MINDY2: variants seen among roughly 807,000 people sequenced by gnomAD.
MINDY2 encodes MINDY lysine 48 deubiquitinase 2.
MINDY2 carries 52 observed loss-of-function variants against 68.2 expected under a neutral mutation model. That is an observed-to-expected ratio of 0.76 (90% CI 0.61 to 0.96). The LOEUF is 0.96. Ranked by LOEUF, MINDY2 falls within the 40% of genes least tolerant of loss-of-function variation. The pLI is 0.00. For synonymous variants in MINDY2, 372 were observed against 303.0 expected, an observed-to-expected ratio of 1.23 and a Z score of -2.36; for missense variants, 881 against 773.4, an observed-to-expected ratio of 1.14 and a Z score of -1.65.
At chr15:58,788,056 A>G in intron 2 of MINDY2, 93 bp downstream of exon 2, 1 of 774,398 alleles carries the variant, frequency 1.3e-6, no homozygotes. Context: ...AAGTGCTATT[A>G]TATAATCTAT....
chr15:58,785,454 GTC>G (rs1169757319), intron 1 of MINDY2, among the ~76,000 whole-genome samples: 2 of 152,130 alleles, frequency 1.3e-5, no homozygotes, highest in Non-Finnish European at 2.9e-5. Context: ...ATGCCATACT[GTC>G]TCTGCTGCAC....
chr15:58,837,908 A>G (rs1317254770), intron 6 of MINDY2, among the ~76,000 whole-genome samples: 1 of 148,388 alleles, frequency 6.7e-6, no homozygotes, highest in Non-Finnish European at 1.5e-5. Flanking sequence ...GATCGAAGCT[A>G]CAGTTAACTG....
At chr15:58,838,527 T>G (rs546488347) in intron 6 of MINDY2, among the ~76,000 whole-genome samples, 1 of 151,408 alleles carries the variant, frequency 6.6e-6, no homozygotes, top group African/African-American at 2.4e-5. Flanking sequence ...AAACAGGCAA[T>G]CAGACATAAA....
intron 1 of MINDY2, among the ~76,000 whole-genome samples, chr15:58,782,551 T>C (rs887002113): frequency 1.3e-5 from 2 of 152,316 alleles, no homozygotes; most frequent in South Asian, 2.1e-4. Flanking sequence ...TCCTGAGCCT[T>C]AGAGTCAACT....
chr15:58,835,879 G>A (rs1283057022), intron 6 of MINDY2, among the ~76,000 whole-genome samples: 2 of 152,068 alleles, frequency 1.3e-5, no homozygotes, highest in Non-Finnish European at 2.9e-5. Context: ...CCAGGCACTA[G>A]ATCTTGTAAA....
chr15:58,794,873 G>A (rs1272279320), intron 2 of MINDY2, among the ~76,000 whole-genome samples: 1 of 152,130 alleles, frequency 6.6e-6, no homozygotes, highest in Non-Finnish European at 1.5e-5. Flanking sequence ...GAAGTCATCA[G>A]TATAAAAATG....
Position 58,771,416 on chromosome 15 carries a change from CCT to C in MINDY2, c.22_23del (p.Leu8AlafsTer31). On this transcript the variant is annotated frameshift_variant, in exon 1 of 9. Coordinates refer to ENST00000559228, the MANE Select transcript of MINDY2 (RefSeq NM_001040450.3). LOFTEE classifies it high-confidence loss of function. Reference protein sequence around the residue: MESSPESLQPLEHGVAAG... With the variant: MESSPESXQPLEHGVAAG... The stretch of plus-strand genomic sequence containing the variant: ...CCGGTATGGAGAGCAGCCCCGAGAG[CCT>C]GCAGCCGCTAGAACACGGGGTGGCG... 1 of 1,611,082 alleles carries C rather than the reference CCT, an allele frequency of 6.2e-7. No homozygotes were observed.
chr15:58,799,589 A>AAAAAGC (rs2140948152), intron 2 of MINDY2, among the ~76,000 whole-genome samples: 1 of 152,186 alleles, frequency 6.6e-6, no homozygotes, highest in Admixed American at 6.5e-5. Flanking sequence ...AAAAAAAAAA[A>AAAAAGC]AAAAAGCAAA....
intron 2 of MINDY2, among the ~76,000 whole-genome samples, chr15:58,790,818 A>G (rs1901835464): frequency 6.6e-6 from 1 of 152,134 alleles, no homozygotes; most frequent in Admixed American, 6.6e-5. Flanking sequence ...TGAAGCAGGA[A>G]AAAATGGAGC....
chr15:58,793,296 CA>C (rs1208015626), intron 2 of MINDY2, among the ~76,000 whole-genome samples: 1 of 151,556 alleles, frequency 6.6e-6, no homozygotes, highest in African/African-American at 2.4e-5. Context: ...ACTAAAAATA[CA>C]AAAAATTAGT....
intron 1 of MINDY2, among the ~76,000 whole-genome samples, chr15:58,785,965 T>A (rs1469870765): frequency 6.6e-6 from 1 of 152,180 alleles, no homozygotes; most frequent in Non-Finnish European, 1.5e-5. Context: ...CCACCAGGCC[T>A]GACCTGAAAT....
chr15:58,847,510 G>A (rs1396377993), intron 7 of MINDY2, 40 bp downstream of exon 7: 1 of 1,446,862 alleles, frequency 6.9e-7, no homozygotes, highest in Non-Finnish European at 9.2e-7. Flanking sequence ...TTAAAATGCT[G>A]ATTTTTTTCA....
intron 5 of MINDY2, among the ~76,000 whole-genome samples, chr15:58,828,485 A>G (rs1369744080): frequency 1.3e-5 from 2 of 151,484 alleles, no homozygotes; most frequent in Non-Finnish European, 2.9e-5. Context: ...TAACTTCACC[A>G]TCTTTAAGGC....
At chr15:58,814,816 A>G (rs1471898696) in intron 4 of MINDY2, among the ~76,000 whole-genome samples, 1 of 138,034 alleles carries the variant, frequency 7.2e-6, no homozygotes, top group Admixed American at 7.5e-5. Context: ...TTTTTTTTAG[A>G]AACGGCGTGT....
In MINDY2 at chr15:58,826,225, C is replaced by CTTT. The variant is rs34666834; in HGVS notation, c.1225+4425_1225+4427dup. On this transcript the variant is annotated intron_variant, in intron 5 of 8. Transcript: ENST00000559228. ...TTCTTTTTTTCTGTATTCACACAAT[C>CTTT]TTTTTTTTTTTTTTTTTTTTTGAGA... Among the ~76,000 whole-genome samples the CTTT allele has an allele frequency of 3.3e-3, 322 of 98,104 alleles. 3 individuals carry two copies. Among genetic ancestry groups the CTTT allele is most frequent in the East Asian group, 9.0e-3 (26 of 2,904 alleles). The allele number at this position is 98,104 out of a possible 152,430, so 64.4% of individuals were successfully genotyped here.
chr15:58,787,140 C>CATTTT (rs1257079442), intron 1 of MINDY2, among the ~76,000 whole-genome samples: 1 of 78,150 alleles, frequency 1.3e-5, no homozygotes, highest in East Asian at 3.8e-4. Flanking sequence ...CATTTCTTTA[C>CATTTT]TTTTTTTTTT....
intron 6 of MINDY2, among the ~76,000 whole-genome samples, chr15:58,842,523 T>G (rs1368262273): frequency 1.3e-5 from 2 of 152,184 alleles, no homozygotes; most frequent in Non-Finnish European, 2.9e-5. Flanking sequence ...CTGGTTGATA[T>G]ATCAAAAATT....
At chr15:58,783,951 A>T (rs1488201886) in intron 1 of MINDY2, among the ~76,000 whole-genome samples, 1 of 152,062 alleles carries the variant, frequency 6.6e-6, no homozygotes, top group Non-Finnish European at 1.5e-5. Flanking sequence ...TAAATTTTTG[A>T]GGTTTTACCT....
At chr15:58,775,018 G>C (rs1244684530) in intron 1 of MINDY2, among the ~76,000 whole-genome samples, 2 of 152,170 alleles carry the variant, frequency 1.3e-5, no homozygotes, top group Non-Finnish European at 2.9e-5. Flanking sequence ...GATAAGCGAA[G>C]CAAAGTAGAG....
Sources: allele counts gnomAD v4.1 joint callset (sites outside exome capture counted in the v4.1 genomes callset), GRCh38; gene constraint gnomAD v4.1.1; transcripts MANE v1.5; gene names NCBI Gene and HGNC (gene_info 2026-07-23, HGNC 2026-07-21).